SHH: variants seen among roughly 807,000 people sequenced by gnomAD.
SHH encodes sonic hedgehog protein.
In SHH, 3 loss-of-function variants were observed where a neutral mutation model predicts 16.6. The ratio of observed to expected loss-of-function variants is 0.18; its 90% confidence interval spans 0.08 to 0.47. SHH has a LOEUF of 0.47. Ranked by LOEUF, SHH falls within the 20% of genes least tolerant of loss-of-function variation. SHH has a pLI of 0.98. For synonymous variants in SHH, 351 were observed against 316.2 expected, an observed-to-expected ratio of 1.11 and a Z score of -1.17; for missense variants, 499 against 665.0, an observed-to-expected ratio of 0.75 and a Z score of 2.75.
intron 1 of SHH, among the ~76,000 whole-genome samples, chr7:155,810,337 G>T (rs1229205667): frequency 6.6e-6 from 1 of 152,224 alleles, no homozygotes; most frequent in Non-Finnish European, 1.5e-5. Flanking sequence ...CGCTCTCTCC[G>T]CAGTGCCTCC....
chr7:155,806,426 G>T lies in SHH; in HGVS notation c.432C>A (p.Arg144=), dbSNP rs999441018. ...GGTCAGACGTGGTGATGTCCACTGC[G>T]CGGCCCTCGTAGTGCAGAGACTCCT... ...HSEESLHYEG[R]AVDITTSDRD... is the part of the protein sequence containing the mutation. Residue 144 remains arginine (R), a synonymous_variant, in exon 2 of 3, where the codon CGC becomes CGA. Coordinates refer to ENST00000297261, the MANE Select transcript of SHH (RefSeq NM_000193.4). 4 of 1,613,694 alleles carry T rather than the reference G, an allele frequency of 2.5e-6. No individual in the cohort carries two copies. The African/African-American group carries it at 5.3e-5, about 22-fold the overall frequency.
At position 155,812,366 on chromosome 7, in the gene SHH, G is replaced by A; in HGVS notation, c.-244C>T. The A allele has an allele frequency of 1.7e-6, 1 of 586,272 alleles. No individual in the cohort carries two copies. The highest frequency in any genetic ancestry group is 3.1e-6 in the Non-Finnish European group (1 of 326,958). The allele number at this position is 586,272 out of a possible 1,614,324, so 36.3% of individuals were successfully genotyped here. ...CAGGGGCTGGAATGGCAGGCTGCCGGCCGCTGATAACGGAACACATCGGAG... is the reference window on the plus strand; with the variant it reads ...CAGGGGCTGGAATGGCAGGCTGCCGACCGCTGATAACGGAACACATCGGAG... On this transcript the variant is annotated 5_prime_UTR_variant, in exon 1 of 3. Coordinates refer to ENST00000297261, the MANE Select transcript of SHH (RefSeq NM_000193.4).
Position 155,812,274 on chromosome 7 carries a change from T to C in SHH, c.-152A>G. The C allele has an allele frequency of 2.7e-6, 2 of 746,518 alleles. No homozygotes were observed. Among genetic ancestry groups the C allele is most frequent in the Non-Finnish European group, 4.6e-6 (2 of 430,530 alleles). The allele number at this position is 746,518 out of a possible 1,614,324, so 46.2% of individuals were successfully genotyped here. On this transcript the variant is annotated 5_prime_UTR_variant, in exon 1 of 3. Transcript: ENST00000297261. ...CTCTCTCCCTCGCTGGCTGCCTCGCTCTTTCTCTTCCTATATAACCTTGCC... is the reference window on the plus strand; with the variant it reads ...CTCTCTCCCTCGCTGGCTGCCTCGCCCTTTCTCTTCCTATATAACCTTGCC...
Position 155,802,978 on chromosome 7 carries a change from C to T in SHH, c.1311G>A (p.Gln437=). ...GCCAGGTGCCTATTTGGTAGAGCAG[C>T]TGCGAGTACCAGTGGATGCCCGCGG... ...GATAGIHWYS[Q]LLYQIGTWLL... is the part of the protein sequence containing the mutation. The change falls in exon 3 of 3, where the codon CAG becomes CAA. Residue 437 remains glutamine, a synonymous_variant. Transcript: ENST00000297261. 2 of 1,553,870 alleles carry T rather than the reference C, an allele frequency of 1.3e-6. No homozygotes were observed. Among genetic ancestry groups the T allele is most frequent in the Non-Finnish European group, 1.7e-6 (2 of 1,150,234 alleles).
At chr7:155,811,540 G>A (rs1803522962) in intron 1 of SHH, among the ~76,000 whole-genome samples, 1 of 152,154 alleles carries the variant, frequency 6.6e-6, no homozygotes, top group Admixed American at 6.5e-5. Flanking sequence ...GGTAGGATGG[G>A]GAAGGCCATT....
intron 1 of SHH, among the ~76,000 whole-genome samples, chr7:155,810,339 A>C (rs1328779475): frequency 6.6e-6 from 1 of 152,200 alleles, no homozygotes; most frequent in East Asian, 1.9e-4. Context: ...CTCTCTCCGC[A>C]GTGCCTCCCT....
At chr7:155,805,641 AGAG>A (rs1212539067) in intron 2 of SHH, among the ~76,000 whole-genome samples, 4 of 152,170 alleles carry the variant, frequency 2.6e-5, no homozygotes, top group Non-Finnish European at 5.9e-5. Flanking sequence ...TTGCAGGCCC[AGAG>A]AAGACAGCCT....
At chr7:155,806,020 C>G (rs1266810714) in intron 2 of SHH, among the ~76,000 whole-genome samples, 1 of 152,236 alleles carries the variant, frequency 6.6e-6, no homozygotes, top group African/African-American at 2.4e-5. Flanking sequence ...GTCACGCTTT[C>G]CCACCCCCTG....
At position 155,802,992 on chromosome 7, in the gene SHH, G is replaced by T; in HGVS notation, c.1297C>A (p.His433Asn). The T allele has an allele frequency of 6.4e-7, 1 of 1,567,582 alleles. No individual in the cohort carries two copies. The highest frequency in any genetic ancestry group is 8.6e-7 in the Non-Finnish European group (1 of 1,158,860). The stretch of plus-strand genomic sequence containing the variant: ...TGGTAGAGCAGCTGCGAGTACCAGT[G>T]GATGCCCGCGGTGGCCCCCGCACCC... ...APGAGATAGIHWYSQLLYQIG... is the reference protein window; with the variant it reads ...APGAGATAGINWYSQLLYQIG... The change falls in exon 3 of 3, where the codon CAC (histidine) becomes AAC (asparagine). Residue 433 changes from histidine to asparagine, a missense_variant. By Grantham distance (68) the His-to-Asn change is moderately conservative. Around this residue, in one of 4 missense-constraint regions of SHH, gnomAD observed 299 missense variants for 301.1 expected, o/e 0.99. Coordinates refer to ENST00000297261, the MANE Select transcript of SHH (RefSeq NM_000193.4).
chr7:155,811,112 C>A (rs1803513303), intron 1 of SHH, among the ~76,000 whole-genome samples: 1 of 152,234 alleles, frequency 6.6e-6, no homozygotes, highest in Non-Finnish European at 1.5e-5. Context: ...CTTGGAAGAA[C>A]GAAAGAGCAT....
At chr7:155,810,107 C>A (rs1386115687) in intron 1 of SHH, among the ~76,000 whole-genome samples, 1 of 152,228 alleles carries the variant, frequency 6.6e-6, no homozygotes, top group African/African-American at 2.4e-5. Context: ...CGCACTGAAA[C>A]CCTAGCCGCG....
Position 155,812,329 on chromosome 7 carries a change from T to A in SHH, c.-207A>T, listed in dbSNP as rs1049989784. 4 of 611,580 alleles carry A rather than the reference T, an allele frequency of 6.5e-6. No individual in the cohort carries two copies. In the Admixed American group the frequency reaches 1.0e-4, roughly 16 times the overall value. 37.9% of individuals were successfully genotyped at this position (611,580 alleles called of 1,614,324 possible). On this transcript the variant is annotated 5_prime_UTR_variant, in exon 1 of 3. Transcript: ENST00000297261. ...GCGGCTGCGGGGGACTCTCCACCGC[T>A]CCCCACCCAGACAGGGGCTGGAATG...
At position 155,800,165 on chromosome 7, in the gene SHH, C is replaced by T. The variant is rs746419350; in HGVS notation, c.*2735G>A. On this transcript the variant is annotated 3_prime_UTR_variant, in exon 3 of 3. Coordinates refer to ENST00000297261, the MANE Select transcript of SHH (RefSeq NM_000193.4). ...CCGTCAACCCTGAATGAGAAGTCGGCGCCTCGTCCTGGCGGGGCTGGGCTG... is the reference window on the plus strand; with the variant it reads ...CCGTCAACCCTGAATGAGAAGTCGGTGCCTCGTCCTGGCGGGGCTGGGCTG... The T allele has an allele frequency of 3.2e-5, 15 of 471,296 alleles. No homozygotes were observed. Among genetic ancestry groups the T allele is most frequent in the Admixed American group, 7.0e-5 (3 of 42,568 alleles). 29.2% of individuals were successfully genotyped at this position (471,296 alleles called of 1,614,324 possible).
rs1023821952 is a variant in SHH at position 155,809,052 on chromosome 7, G to A, written c.301-2495C>T. ...TTAAATCTATTTAGTGTAGCGGCTCGGGACCCCACTCCAGGCTTCAGATCC... is the reference window on the plus strand; with the variant it reads ...TTAAATCTATTTAGTGTAGCGGCTCAGGACCCCACTCCAGGCTTCAGATCC... On this transcript the variant is annotated intron_variant, in intron 1 of 2. Transcript: ENST00000297261. This position sits in a 1 kb window ranked among gnomAD's most constrained non-coding sequence, Gnocchi z 6.1. 1 of 152,152 alleles carries A rather than the reference G, an allele frequency of 6.6e-6. No individual in the cohort carries two copies. Among genetic ancestry groups the A allele is most frequent in the African/African-American group, 2.4e-5 (1 of 41,420 alleles). The allele number at this position is 152,152 out of a possible 1,614,324, so 9.4% of individuals were successfully genotyped here. A position where few individuals can be genotyped will look rare whatever the true frequency, so the allele number is the denominator to read the frequency against.
At chr7:155,810,889 G>T (rs1371989888) in intron 1 of SHH, among the ~76,000 whole-genome samples, 1 of 152,242 alleles carries the variant, frequency 6.6e-6, no homozygotes. Flanking sequence ...AGTTATACGT[G>T]CATGGAGTTT....
In SHH at chr7:155,807,534, G is replaced by A. The variant is rs1449626347; in HGVS notation, c.301-977C>T. On this transcript the variant is annotated intron_variant, in intron 1 of 2. Coordinates refer to ENST00000297261, the MANE Select transcript of SHH (RefSeq NM_000193.4). The surrounding 1 kb of genome is among the most constrained non-coding windows in gnomAD (Gnocchi z 7.1). ...GAGTTTCCCAGGAAGTTGCCTGGGAGGAGGCAGGAAACACTGACTAGGCAG... is the reference window on the plus strand; with the variant it reads ...GAGTTTCCCAGGAAGTTGCCTGGGAAGAGGCAGGAAACACTGACTAGGCAG... 6.6e-6 allele frequency among the ~76,000 whole-genome samples: 1 copy of A among 152,214 alleles called. No individual in the cohort carries two copies. Among genetic ancestry groups the A allele is most frequent in the Non-Finnish European group, 1.5e-5 (1 of 68,044 alleles).
Position 155,803,116 on chromosome 7 carries a change from C to T in SHH, c.1173G>A (p.Ala391=). Residue 391 remains alanine (A), a synonymous_variant, in exon 3 of 3, where the codon GCG becomes GCA. Coordinates refer to ENST00000297261, the MANE Select transcript of SHH (RefSeq NM_000193.4). Reference sequence around the variant, plus strand: ...CCCCGCCGCGGTCCGTGCGCGCGGGCGCCAGTGCAGCCAGGAGCGCGTGCG... The same window carrying T: ...CCCCGCCGCGGTCCGTGCGCGCGGGTGCCAGTGCAGCCAGGAGCGCGTGCG... ...RLAHALLAAL[A]PARTDRGGDS... is the part of the protein sequence containing the mutation. 7.4e-7 allele frequency: 1 copy of T among 1,354,552 alleles called. No homozygotes were observed. The highest frequency in any genetic ancestry group is 9.5e-7 in the Non-Finnish European group (1 of 1,054,728). The allele number at this position is 1,354,552 out of a possible 1,614,324, so 83.9% of individuals were successfully genotyped here.
In SHH at chr7:155,801,513, G is replaced by A. The variant is rs1803180292; in HGVS notation, c.*1387C>T. ...TGGCCATCCCCAGGCCACCTCCTCT[G>A]GGCTTACACATCAGGCTTTGCTAGT... On this transcript the variant is annotated 3_prime_UTR_variant, in exon 3 of 3. Coordinates refer to ENST00000297261, the MANE Select transcript of SHH (RefSeq NM_000193.4). 6.6e-6 allele frequency: 1 copy of A among 152,268 alleles called. No individual in the cohort carries two copies. Among genetic ancestry groups the A allele is most frequent in the Non-Finnish European group, 1.5e-5 (1 of 68,090 alleles). 9.4% of individuals were successfully genotyped at this position (152,268 alleles called of 1,614,324 possible).
In SHH at chr7:155,807,203, T is replaced by C. The variant is rs1803389450; in HGVS notation, c.301-646A>G. On this transcript the variant is annotated intron_variant, in intron 1 of 2. Coordinates refer to ENST00000297261, the MANE Select transcript of SHH (RefSeq NM_000193.4). The surrounding 1 kb of genome is among the most constrained non-coding windows in gnomAD (Gnocchi z 7.1). ...GCTGCGCGGTGGGCGGGAGCCTGGG[T>C]GGCAGGCGGCTAGGTGAGTTGCCAC... The C allele has an allele frequency of 6.3e-6, 1 of 159,064 alleles. No homozygotes were observed. Among genetic ancestry groups the C allele is most frequent in the African/African-American group, 2.4e-5 (1 of 41,586 alleles). 9.9% of individuals were successfully genotyped at this position (159,064 alleles called of 1,614,324 possible).
Sources: allele counts gnomAD v4.1 joint callset (sites outside exome capture counted in the v4.1 genomes callset), GRCh38; gene constraint gnomAD v4.1.1; regional missense constraint gnomAD v4.1.1; non-coding constraint Gnocchi (gnomAD v3.1); transcripts MANE v1.5; gene names NCBI Gene and HGNC (gene_info 2026-07-23, HGNC 2026-07-21).